Variants in ZBTB20 observed in about 807,000 individuals in gnomAD.
ZBTB20 encodes the protein zinc finger and BTB domain containing 20.
A neutral mutation model predicts 56.9 loss-of-function variants in ZBTB20; 9 were observed. The ratio of observed to expected loss-of-function variants is 0.16; its 90% CI spans 0.10 to 0.28. The LOEUF is 0.28. ZBTB20 is among the 10% of genes least tolerant of loss of function. The pLI, the probability that ZBTB20 is intolerant of heterozygous loss-of-function variation, is 1.00. For missense variants in ZBTB20, 655 were observed against 1,003.0 expected, an observed-to-expected ratio of 0.65 and a Z score of 4.69; for synonymous variants, 417 against 420.7, an observed-to-expected ratio of 0.99 and a Z score of 0.11.
chr3:114,772,711 A>C (rs140923661), intron 5 of ZBTB20, among the ~76,000 whole-genome samples: 4 of 152,244 alleles, frequency 2.6e-5, no homozygotes, highest in Non-Finnish European at 5.9e-5. Flanking sequence ...TACTCTAGAA[A>C]TGTATGATGG....
At chr3:114,645,096 C>A (rs936416168) in intron 6 of ZBTB20, among the ~76,000 whole-genome samples, 2 of 151,844 alleles carry the variant, frequency 1.3e-5, no homozygotes, top group African/African-American at 4.8e-5. Flanking sequence ...TGAACTATTA[C>A]AAAGTTTAAA....
At chr3:114,834,713 C>T (rs2074032568) in intron 4 of ZBTB20, among the ~76,000 whole-genome samples, 1 of 152,010 alleles carries the variant, frequency 6.6e-6, no homozygotes, top group South Asian at 2.1e-4. Flanking sequence ...TGTCTGGATG[C>T]CTGGACCCTC....
intron 6 of ZBTB20, among the ~76,000 whole-genome samples, chr3:114,559,576 T>C (rs2051730910): frequency 6.6e-6 from 1 of 152,198 alleles, no homozygotes; most frequent in African/African-American, 2.4e-5. Context: ...GCTTTCATCA[T>C]ATTATCAATG....
intron 6 of ZBTB20, among the ~76,000 whole-genome samples, chr3:114,536,766 G>T (rs140804245): frequency 1.3e-5 from 2 of 151,918 alleles, no homozygotes; most frequent in African/African-American, 4.8e-5. Context: ...TTACCAAAAC[G>T]GCATGGTACT....
chr3:114,632,039 A>G (rs549411804), intron 6 of ZBTB20, among the ~76,000 whole-genome samples: 2 of 152,332 alleles, frequency 1.3e-5, no homozygotes, highest in East Asian at 3.9e-4. Context: ...TCCTGTAGAG[A>G]GTAGACTATA....
At chr3:114,552,469 G>A (rs2050701396) in intron 6 of ZBTB20, among the ~76,000 whole-genome samples, 1 of 150,658 alleles carries the variant, frequency 6.6e-6, no homozygotes, top group Non-Finnish European at 1.5e-5. Context: ...TCACTAATCA[G>A]TTCTGCTTTA....
At chr3:115,047,298 C>T (rs1424332290) in intron 2 of ZBTB20, among the ~76,000 whole-genome samples, 3 of 152,156 alleles carry the variant, frequency 2.0e-5, no homozygotes, top group African/African-American at 7.2e-5. Flanking sequence ...TCAATAGCTT[C>T]CTTTGATTAT....
chr3:114,512,808 A>G (rs996828832), intron 6 of ZBTB20, among the ~76,000 whole-genome samples: 1 of 152,118 alleles, frequency 6.6e-6, no homozygotes. Flanking sequence ...CTCAGCCCCT[A>G]AGATACATAT....
chr3:114,750,451 C>T (rs2067475311), intron 5 of ZBTB20, among the ~76,000 whole-genome samples: 1 of 152,072 alleles, frequency 6.6e-6, no homozygotes, highest in African/African-American at 2.4e-5. Flanking sequence ...GGAAGAAAAG[C>T]AGTAAAGCAG....
Position 115,006,639 on chromosome 3 carries a change from G to A in ZBTB20, c.-506-32223C>T, listed in dbSNP as rs928833415. On this transcript the variant is annotated intron_variant, in intron 2 of 11. Transcript: ENST00000675478. ...AAGTATCTCAAAGAATCATATAACCGTAGCAAAATGGAGCTGAAGGGCACC... is the reference window on the plus strand; with the variant it reads ...AAGTATCTCAAAGAATCATATAACCATAGCAAAATGGAGCTGAAGGGCACC... 3.9e-4 allele frequency among the ~76,000 whole-genome samples: 59 copies of A among 151,152 alleles called. 1 individual carries two copies. Among genetic ancestry groups the A allele is most frequent in the African/African-American group, 1.4e-3 (56 of 41,176 alleles).
chr3:114,637,886 C>T (rs145349329), intron 6 of ZBTB20, among the ~76,000 whole-genome samples: 1 of 151,972 alleles, frequency 6.6e-6, no homozygotes, highest in Non-Finnish European at 1.5e-5. Context: ...TTATGTTCTG[C>T]TTCTTCCATA....
At chr3:115,128,710 TGGAGG>T in intron 1 of ZBTB20, among the ~76,000 whole-genome samples, 1 of 36,608 alleles carries the variant, frequency 2.7e-5, no homozygotes, top group Non-Finnish European at 5.3e-5. Context: ...GGGAGGGCAG[TGGAGG>T]GGAGGGGAGG....
At chr3:115,054,124 C>T (rs1359057586) in intron 2 of ZBTB20, among the ~76,000 whole-genome samples, 3 of 151,978 alleles carry the variant, frequency 2.0e-5, no homozygotes, top group African/African-American at 7.2e-5. Flanking sequence ...TTTTCACATA[C>T]CCAAGACAGA....
chr3:115,123,706 A>G (rs2084245542), intron 1 of ZBTB20, among the ~76,000 whole-genome samples: 1 of 152,164 alleles, frequency 6.6e-6, no homozygotes, highest in Non-Finnish European at 1.5e-5. Context: ...CATCCAATCC[A>G]TCATTTCTAA....
chr3:114,659,170 T>C (rs908900521), intron 6 of ZBTB20, among the ~76,000 whole-genome samples: 1 of 152,214 alleles, frequency 6.6e-6, no homozygotes, highest in Non-Finnish European at 1.5e-5. Context: ...CCTTTAACTC[T>C]AGAGGGTCAA....
At chr3:115,095,979 G>A (rs1452739758) in intron 1 of ZBTB20, among the ~76,000 whole-genome samples, 2 of 152,230 alleles carry the variant, frequency 1.3e-5, no homozygotes, top group Non-Finnish European at 2.9e-5. Context: ...TATGAAATGG[G>A]TTTTTCAAGA....
At chr3:114,988,925 T>C (rs908248876) in intron 2 of ZBTB20, among the ~76,000 whole-genome samples, 8 of 152,218 alleles carry the variant, frequency 5.3e-5, no homozygotes, top group African/African-American at 1.7e-4. Context: ...GTTCACATCC[T>C]TCGCCCAGTT....
At chr3:114,574,295 T>A (rs1362757466) in intron 6 of ZBTB20, among the ~76,000 whole-genome samples, 1 of 152,176 alleles carries the variant, frequency 6.6e-6, no homozygotes, top group Non-Finnish European at 1.5e-5. Flanking sequence ...TCTAGACAGA[T>A]GCCTAGAAGT....
At chr3:114,425,999 T>C (rs1304664792) in intron 7 of ZBTB20, among the ~76,000 whole-genome samples, 1 of 152,150 alleles carries the variant, frequency 6.6e-6, no homozygotes, top group Non-Finnish European at 1.5e-5. Context: ...TTTAAACTAA[T>C]ATTCTTGGCC....
Sources: allele counts gnomAD v4.1 joint callset (sites outside exome capture counted in the v4.1 genomes callset), GRCh38; gene constraint gnomAD v4.1.1; transcripts MANE v1.5; gene names NCBI Gene and HGNC (gene_info 2026-07-23, HGNC 2026-07-21).